Variants in IL31RA observed in about 807,000 individuals in gnomAD.
The protein encoded by IL31RA is interleukin 31 receptor A.
In IL31RA, 66 loss-of-function variants were observed where a neutral mutation model predicts 83.7. The observed-to-expected ratio is 0.79, with a 90% CI of 0.65 to 0.97. IL31RA has a LOEUF of 0.97. Ranked by LOEUF, IL31RA falls within the 50% of genes least tolerant of loss-of-function variation. IL31RA has a pLI of 0.00. For missense variants in IL31RA, 798 were observed against 919.4 expected, an observed-to-expected ratio of 0.87 and a Z score of 1.71; for synonymous variants, 325 against 329.0, an observed-to-expected ratio of 0.99 and a Z score of 0.13.
At chr5:55,882,897 T>G in intron 4 of IL31RA, 147 bp from the exon 5 acceptor site, 3 of 706,690 alleles carry the variant, frequency 4.2e-6, no homozygotes, top group East Asian at 2.7e-5. Context: ...GGGGGTGACA[T>G]TCCTTTTGTA....
intron 3 of IL31RA, among the ~76,000 whole-genome samples, chr5:55,871,586 C>A (rs1306527556): frequency 6.6e-6 from 1 of 152,154 alleles, no homozygotes; most frequent in East Asian, 1.9e-4. Context: ...ACAATATATA[C>A]CAATGTTCAA....
chr5:55,864,604 A>G (rs2112331648), intron 2 of IL31RA, among the ~76,000 whole-genome samples: 1 of 150,650 alleles, frequency 6.6e-6, no homozygotes, highest in Non-Finnish European at 1.5e-5. Context: ...CACCATAAAC[A>G]TACCATACAC....
chr5:55,875,432 T>C (rs1746786710), intron 4 of IL31RA, among the ~76,000 whole-genome samples: 1 of 152,182 alleles, frequency 6.6e-6, no homozygotes, highest in Admixed American at 6.5e-5. Flanking sequence ...GAAAGACTAG[T>C]GTTAATTATT....
chr5:55,910,875 A>G (rs538819415), intron 12 of IL31RA, among the ~76,000 whole-genome samples: 1 of 152,304 alleles, frequency 6.6e-6, no homozygotes, highest in Non-Finnish European at 1.5e-5. Context: ...TGAGAGCCGA[A>G]TTTGGAAATG....
Position 55,913,589 on chromosome 5 carries a change from G to A in IL31RA, c.1736+19G>A, listed in dbSNP as rs1455079250. On this transcript the variant is annotated intron_variant, in intron 13 of 14. Coordinates refer to ENST00000652347, the MANE Select transcript of IL31RA (RefSeq NM_139017.7). ...AACCCAAGTGAGTCTGCAGACAACAGTGGGTGCCTTAAAAATCAGGGACAA... is the reference window on the plus strand; with the variant it reads ...AACCCAAGTGAGTCTGCAGACAACAATGGGTGCCTTAAAAATCAGGGACAA... 1.3e-6 allele frequency: 2 copies of A among 1,515,298 alleles called. No homozygotes were observed. The highest frequency in any genetic ancestry group is 9.2e-7 in the Non-Finnish European group (1 of 1,089,748). 93.9% of individuals were successfully genotyped at this position (1,515,298 alleles called of 1,614,324 possible).
At chr5:55,859,925 C>T (rs1283480794) in intron 2 of IL31RA, among the ~76,000 whole-genome samples, 2 of 152,156 alleles carry the variant, frequency 1.3e-5, no homozygotes, top group African/African-American at 2.4e-5. Context: ...TCAGTGGATG[C>T]CTGAAACTGT....
chr5:55,863,655 C>T (rs1428717460), intron 2 of IL31RA, among the ~76,000 whole-genome samples: 2 of 152,206 alleles, frequency 1.3e-5, no homozygotes, highest in Non-Finnish European at 2.9e-5. Context: ...ATCAAGAGAG[C>T]CTTTGTAAGA....
chr5:55,915,628 G>A (rs758811379), intron 14 of IL31RA, among the ~76,000 whole-genome samples: 7 of 151,790 alleles, frequency 4.6e-5, no homozygotes, highest in Non-Finnish European at 8.8e-5. Flanking sequence ...ATTAGTCCTC[G>A]TTCCCACTCA....
At chr5:55,852,655 A>G (rs781278025) in intron 1 of IL31RA, among the ~76,000 whole-genome samples, 4 of 152,130 alleles carry the variant, frequency 2.6e-5, no homozygotes, top group Non-Finnish European at 5.9e-5. Flanking sequence ...TTGCATCATA[A>G]TCTCTTCCCC....
Position 55,922,423 on chromosome 5 carries a change from T to G in IL31RA, c.*5303T>G, listed in dbSNP as rs1021165668. 5.2e-6 allele frequency: 8 copies of G among 1,550,800 alleles called. No individual in the cohort carries two copies. The highest frequency in any genetic ancestry group is 7.0e-6 in the Non-Finnish European group (8 of 1,146,724). On this transcript the variant is annotated 3_prime_UTR_variant, in exon 15 of 15. Coordinates refer to ENST00000652347, the MANE Select transcript of IL31RA (RefSeq NM_139017.7). ...CTAGAATTCTGTCTTCCTGCCCAAC[T>G]TCAATATAAGTGTGGACTAAAATGC...
intron 8 of IL31RA, chr5:55,902,523 G>C (rs1158344751): frequency 6.6e-6 from 1 of 151,334 alleles, no homozygotes; most frequent in Non-Finnish European, 1.5e-5. Context: ...TGTAGTCCCA[G>C]CTACTTGAGA....
chr5:55,842,528 C>T, the IL31RA span, among the ~76,000 whole-genome samples: 1 of 152,200 alleles, frequency 6.6e-6, no homozygotes, highest in Non-Finnish European at 1.5e-5. Flanking sequence ...CACTTACTTT[C>T]AATTAACATG....
rs74682808 is a variant in IL31RA at position 55,922,055 on chromosome 5, G to A, written c.*4935G>A. On this transcript the variant is annotated 3_prime_UTR_variant, in exon 15 of 15. Transcript: ENST00000652347. Reference sequence around the variant, plus strand: ...GTGTCTTGCACTCTTATGTTGTGGCGGGGGGGGGGGGCGGTTCCTGAAGAG... The same window carrying A: ...GTGTCTTGCACTCTTATGTTGTGGCAGGGGGGGGGGGCGGTTCCTGAAGAG... 6.7e-5 allele frequency among the ~76,000 whole-genome samples: 1 copy of A among 14,944 alleles called. No individual in the cohort carries two copies. Among genetic ancestry groups the A allele is most frequent in the Non-Finnish European group, 1.4e-4 (1 of 6,992 alleles). The allele number at this position is 14,944 out of a possible 152,430, so 9.8% of individuals were successfully genotyped here.
chr5:55,899,771 C>T, intron 7 of IL31RA, 145 bp from the exon 8 acceptor site: 1 of 689,886 alleles, frequency 1.4e-6, no homozygotes, highest in Admixed American at 2.1e-5. Context: ...GGATCTTATT[C>T]ATCCCTGGAG....
chr5:55,868,934 C>A, intron 3 of IL31RA, 26 bp downstream of exon 3: 2 of 1,215,036 alleles, frequency 1.6e-6, no homozygotes, highest in African/African-American at 1.5e-5. Flanking sequence ...TGTGTTTTAT[C>A]AGTCAGGGCA....
chr5:55,908,841 G>A, intron 11 of IL31RA: 1 of 1,356,714 alleles, frequency 7.4e-7, no homozygotes, highest in East Asian at 2.6e-5. Context: ...TAAATACTGG[G>A]CAAGGCTTGG....
At chr5:55,869,802 A>C (rs1746405954) in intron 3 of IL31RA, among the ~76,000 whole-genome samples, 1 of 152,118 alleles carries the variant, frequency 6.6e-6, no homozygotes, top group Non-Finnish European at 1.5e-5. Context: ...AACATAGCTC[A>C]TTACTTCCTT....
chr5:55,841,337 TCTC>T, the IL31RA span, among the ~76,000 whole-genome samples: 6 of 152,370 alleles, frequency 3.9e-5, no homozygotes, highest in Admixed American at 6.5e-5. Flanking sequence ...TTTATTTTCA[TCTC>T]CTCATGTTTT....
chr5:55,840,412 C>G, the IL31RA span, among the ~76,000 whole-genome samples: 4 of 152,136 alleles, frequency 2.6e-5, no homozygotes, highest in African/African-American at 9.7e-5. Flanking sequence ...TCAAGTGCTG[C>G]TAAGATGAGG....
Sources: gnomAD v4.1 joint callset for allele counts (sites outside exome capture counted in the v4.1 genomes callset) on GRCh38, gnomAD v4.1.1 for gene constraint, MANE v1.5 for transcripts, NCBI Gene and HGNC (gene_info 2026-07-23, HGNC 2026-07-21) for gene names.